The following NAP1L1 variants were observed in gnomAD, a reference collection of about 807,000 sequenced individuals.
The protein encoded by NAP1L1 is nucleosome assembly protein 1-like 1.
Under a neutral mutation model 58.9 loss-of-function variants are expected in NAP1L1, and 9 were observed. The observed-to-expected ratio is 0.15, with a 90% CI of 0.09 to 0.27. The LOEUF (loss-of-function observed/expected upper bound fraction) is 0.27, where lower values mean the gene tolerates loss of function less well. Ranked by LOEUF, NAP1L1 falls within the 10% of genes least tolerant of loss-of-function variation. The pLI, the probability that NAP1L1 is intolerant of heterozygous loss-of-function variation, is 1.00. For synonymous variants in NAP1L1, 130 were observed against 138.3 expected, an observed-to-expected ratio of 0.94 and a Z score of 0.42; for missense variants, 302 against 458.8, an observed-to-expected ratio of 0.66 and a Z score of 3.12.
At chr12:76,061,025 C>A (rs978630810) in intron 4 of NAP1L1, 1 of 443,310 alleles carries the variant, frequency 2.3e-6, no homozygotes, top group Admixed American at 2.4e-5. Flanking sequence ...CCTGGGATGT[C>A]GAGGCTGAAT....
In NAP1L1 at chr12:76,040,038, AG is replaced by A. The variant is rs1948539058; in HGVS notation, c.*8390del. The A allele has an allele frequency of 6.6e-6, 1 of 152,180 alleles. No homozygotes were observed. Among genetic ancestry groups the A allele is most frequent in the South Asian group, 2.1e-4 (1 of 4,828 alleles). The allele number at this position is 152,180 out of a possible 1,614,324, so 9.4% of individuals were successfully genotyped here. On this transcript the variant is annotated 3_prime_UTR_variant, in exon 15 of 15. Transcript: ENST00000618691. ...TAATCAAGCTTGACATTTTTGTCTG[AG>A]GGAGTTCACTACGTTATAGCTTGAA...
At chr12:76,056,771 G>C (rs1949117386) in intron 6 of NAP1L1, 1 of 384,164 alleles carries the variant, frequency 2.6e-6, no homozygotes, top group South Asian at 2.0e-5. Flanking sequence ...CCAGCACTTT[G>C]GGAAGTGAGG....
At chr12:76,081,907 C>T (rs1301970647) in intron 1 of NAP1L1, among the ~76,000 whole-genome samples, 1 of 152,208 alleles carries the variant, frequency 6.6e-6, no homozygotes, top group Non-Finnish European at 1.5e-5. Context: ...TACTCTTTGA[C>T]CCCTTTACCC....
chr12:76,075,616 T>A (rs1280580666), intron 1 of NAP1L1, among the ~76,000 whole-genome samples: 1 of 152,218 alleles, frequency 6.6e-6, no homozygotes, highest in African/African-American at 2.4e-5. Context: ...CTGATGAATT[T>A]TTCTAGTGAT....
chr12:76,064,735 CAT>C (rs1467179675), intron 4 of NAP1L1, among the ~76,000 whole-genome samples: 2 of 151,578 alleles, frequency 1.3e-5, no homozygotes, highest in Admixed American at 6.6e-5. Context: ...TAAATATGTA[CAT>C]GTTTAAAATA....
chr12:76,079,211 C>T (rs1950307214), intron 1 of NAP1L1, among the ~76,000 whole-genome samples: 2 of 152,094 alleles, frequency 1.3e-5, no homozygotes, highest in African/African-American at 4.8e-5. Flanking sequence ...AAATACTATC[C>T]CCAACCAAAA....
chr12:76,080,808 G>A (rs774069921), intron 1 of NAP1L1, among the ~76,000 whole-genome samples: 15 of 152,236 alleles, frequency 9.9e-5, no homozygotes, highest in Non-Finnish European at 1.5e-5. Flanking sequence ...CTGAGAGATG[G>A]GGGTCTTTAA....
intron 4 of NAP1L1, among the ~76,000 whole-genome samples, chr12:76,064,680 G>T (rs1210866164): frequency 6.6e-6 from 1 of 151,722 alleles, no homozygotes; most frequent in East Asian, 1.9e-4. Flanking sequence ...ATGAAAACCA[G>T]ATTTTTAAAA....
intron 4 of NAP1L1, 125 bp downstream of exon 4, chr12:76,067,246 A>G: frequency 2.9e-6 from 2 of 679,402 alleles, no homozygotes; most frequent in South Asian, 2.2e-5. Flanking sequence ...TAATAATCCT[A>G]TACTGGATAC....
intron 6 of NAP1L1, among the ~76,000 whole-genome samples, chr12:76,058,783 TA>T (rs1949266471): frequency 6.6e-6 from 1 of 152,208 alleles, no homozygotes; most frequent in Admixed American, 6.5e-5. Context: ...AGTGATTTTT[TA>T]AAAGAATTTG....
chr12:76,076,056 G>A (rs184035938), intron 1 of NAP1L1, among the ~76,000 whole-genome samples: 26 of 152,054 alleles, frequency 1.7e-4, no homozygotes, highest in Non-Finnish European at 3.2e-4. Context: ...ATTCACTTAT[G>A]AGCTCTACCA....
At chr12:76,070,439 C>CT (rs1296890954) in intron 2 of NAP1L1, among the ~76,000 whole-genome samples, 1 of 152,176 alleles carries the variant, frequency 6.6e-6, no homozygotes, top group Non-Finnish European at 1.5e-5. Context: ...TTAGTATAAA[C>CT]TTTAAGTGTT....
At chr12:76,068,377 A>G (rs916557552) in intron 3 of NAP1L1, among the ~76,000 whole-genome samples, 24 of 152,150 alleles carry the variant, frequency 1.6e-4, no homozygotes, top group Non-Finnish European at 2.9e-5. Flanking sequence ...AAGCTGAGTC[A>G]TCTGGTACCT....
intron 6 of NAP1L1, chr12:76,056,944 G>C: frequency 4.0e-6 from 1 of 250,036 alleles, no homozygotes; most frequent in Non-Finnish European, 8.1e-6. Flanking sequence ...CCAGGAGGTG[G>C]AGGTTGCAAT....
At chr12:76,048,777 C>G (rs1158944249) in intron 14 of NAP1L1, among the ~76,000 whole-genome samples, 1 of 152,054 alleles carries the variant, frequency 6.6e-6, no homozygotes, top group African/African-American at 2.4e-5. Context: ...CCTAATATAA[C>G]AAATTCTCAG....
At chr12:76,076,383 T>C (rs1950169264) in intron 1 of NAP1L1, among the ~76,000 whole-genome samples, 1 of 152,040 alleles carries the variant, frequency 6.6e-6, no homozygotes, top group Non-Finnish European at 1.5e-5. Flanking sequence ...AATCATAGCG[T>C]TGTCTTCTTT....
intron 13 of NAP1L1, 100 bp downstream of exon 13, chr12:76,049,655 CA>C: frequency 1.3e-6 from 2 of 1,551,008 alleles, no homozygotes; most frequent in East Asian, 2.2e-5. Context: ...GTTTTTATCC[CA>C]AATCACAGAA....
At chr12:76,049,310 A>G in intron 13 of NAP1L1, 60 bp from the exon 14 acceptor site, 2 of 1,610,608 alleles carry the variant, frequency 1.2e-6, no homozygotes, top group Non-Finnish European at 1.7e-6. Flanking sequence ...ACTGGCTCAT[A>G]ATGTAGGGAA....
Position 76,081,589 on chromosome 12 carries a change from C to A in NAP1L1, c.-21+2978G>T, listed in dbSNP as rs1019911389. ...CTCCACAAGGAAAAAATATATATAA[C>A]CCTGTTTCCCAATAAAAATTAAAAT... On this transcript the variant is annotated intron_variant, in intron 1 of 14. Transcript: ENST00000618691. 6.6e-5 allele frequency among the ~76,000 whole-genome samples: 10 copies of A among 152,196 alleles called. No individual in the cohort carries two copies. In the South Asian group the frequency reaches 1.9e-3, roughly 28 times the overall value.
Sources: gnomAD v4.1 joint callset for allele counts (sites outside exome capture counted in the v4.1 genomes callset) on GRCh38, gnomAD v4.1.1 for gene constraint, MANE v1.5 for transcripts, NCBI Gene and HGNC (gene_info 2026-07-23, HGNC 2026-07-21) for gene names.